The following DNAJB5 variants were observed in gnomAD, a reference collection of about 807,000 sequenced individuals.
DNAJB5 encodes the protein dnaJ homolog subfamily B member 5.
Under a neutral mutation model 32.6 loss-of-function variants are expected in DNAJB5, and 12 were observed. That is an observed-to-expected ratio of 0.37 (90% CI 0.24 to 0.60). DNAJB5 has a LOEUF of 0.60. Ranked by LOEUF, DNAJB5 falls within the 20% of genes least tolerant of loss-of-function variation. DNAJB5 has a pLI of 0.71. For missense variants in DNAJB5, 358 were observed against 554.2 expected (o/e 0.65, Z 3.55); for synonymous variants, 188 against 212.9 (o/e 0.88, Z 1.02).
chr9:34,993,422 G>A lies in DNAJB5; in HGVS notation c.405G>A (p.Leu135=), dbSNP rs1194229407. 1.9e-6 allele frequency: 3 copies of A among 1,613,072 alleles called. No individual in the cohort carries two copies. The highest frequency in any genetic ancestry group is 8.5e-7 in the Non-Finnish European group (1 of 1,179,816). Residue 135 remains leucine (L), a synonymous_variant, in exon 3 of 5, where the codon CTG becomes CTA. Coordinates refer to ENST00000682809, the MANE Select transcript of DNAJB5 (RefSeq NM_001349723.3). The surrounding 1 kb of genome is among the most constrained non-coding windows in gnomAD (Gnocchi z 4.7). ...DVLSDPKKRG[L]YDQYGEEGLK... ...TAAGTGACCCCAAGAAACGGGGCCT[G>A]TATGACCAGTATGGGGAGGAAGGTA...
At position 34,992,830 on chromosome 9, in the gene DNAJB5, C is replaced by T. The variant is rs1180438951; in HGVS notation, c.183-370C>T. 9 of 1,065,558 alleles carry T rather than the reference C, an allele frequency of 8.4e-6. No individual in the cohort carries two copies. The South Asian group carries it at 1.3e-4, about 15-fold the overall frequency. 66.0% of individuals were successfully genotyped at this position (1,065,558 alleles called of 1,614,324 possible). Reference sequence around the variant, plus strand: ...CAGGTGACCTCACCCGTTACACTGACCTTCGCCAGCTCCTGTGTGTGGGTC... The same window carrying T: ...CAGGTGACCTCACCCGTTACACTGATCTTCGCCAGCTCCTGTGTGTGGGTC... On this transcript the variant is annotated intron_variant, in intron 2 of 4. Transcript: ENST00000682809.
Position 34,997,160 on chromosome 9 carries a change from T to A in DNAJB5, c.1164T>A (p.Thr388=). 6.2e-7 allele frequency: 1 copy of A among 1,614,120 alleles called. No homozygotes were observed. ...GEGLPFPKVP[T]QRGDLIVEFK... is the part of the protein sequence containing the mutation. ...GCCTTCCCTTCCCCAAAGTGCCAAC[T>A]CAGCGAGGAGACCTCATTGTTGAGT... Residue 388 remains threonine (T), a synonymous_variant, in exon 5 of 5, where the codon ACT becomes ACA. Coordinates refer to ENST00000682809, the MANE Select transcript of DNAJB5 (RefSeq NM_001349723.3). The surrounding 1 kb of genome is among the most constrained non-coding windows in gnomAD (Gnocchi z 4.1).
chr9:34,994,105 G>A (rs892404592), intron 3 of DNAJB5, among the ~76,000 whole-genome samples: 2 of 152,144 alleles, frequency 1.3e-5, no homozygotes, highest in East Asian at 1.9e-4. Context: ...CACATCCCAC[G>A]GCCATGATGT....
In DNAJB5 at chr9:34,989,759, C is replaced by CGGCGGA. The variant is rs1827565304; in HGVS notation, c.-203_-198dup. ...AGGCGACTCCTGTCCCGGGTGGAGG[C>CGGCGGA]GGCGGAGCCGGAGCCGGGGGAGGGG... is the stretch of plus-strand genomic sequence containing the variant. On this transcript the variant is annotated 5_prime_UTR_variant, in exon 1 of 5. Transcript: ENST00000682809. 8.1e-7 allele frequency: 1 copy of CGGCGGA among 1,231,168 alleles called. No individual in the cohort carries two copies. The highest frequency in any genetic ancestry group is 1.6e-5 in the African/African-American group (1 of 64,348). The allele number at this position is 1,231,168 out of a possible 1,614,324, so 76.3% of individuals were successfully genotyped here.
At chr9:34,991,676 C>CCCG (rs1554662744) in intron 2 of DNAJB5, 3 of 259,390 alleles carry the variant, frequency 1.2e-5, no homozygotes, top group Non-Finnish European at 2.4e-5. Context: ...TTGCCCCCCC[C>CCCG]CCCAACGAGG....
In DNAJB5 at chr9:34,989,798, C is replaced by A; in HGVS notation, c.-166C>A. 8.1e-7 allele frequency: 1 copy of A among 1,231,754 alleles called. No homozygotes were observed. The highest frequency in any genetic ancestry group is 1.0e-6 in the Non-Finnish European group (1 of 987,852). The allele number at this position is 1,231,754 out of a possible 1,614,324, so 76.3% of individuals were successfully genotyped here. ...CCGGGGGAGGGGGCAGCGGCTGTCT[C>A]ACGGACCACGGCGGCGCCCGCAGCT... On this transcript the variant is annotated 5_prime_UTR_variant, in exon 1 of 5. Coordinates refer to ENST00000682809, the MANE Select transcript of DNAJB5 (RefSeq NM_001349723.3).
In DNAJB5 at chr9:34,989,831, G is replaced by A. The variant is rs1304813926; in HGVS notation, c.-133G>A. 2.4e-6 allele frequency: 3 copies of A among 1,233,924 alleles called. No individual in the cohort carries two copies. Among genetic ancestry groups the A allele is most frequent in the Non-Finnish European group, 3.0e-6 (3 of 989,138 alleles). The allele number at this position is 1,233,924 out of a possible 1,614,324, so 76.4% of individuals were successfully genotyped here. On this transcript the variant is annotated splice_region_variant and 5_prime_UTR_variant, in exon 1 of 5. Transcript: ENST00000682809. ...ACGGCGGCGCCCGCAGCTCCTCACC[G>A]GTGAGGGCGCCAAGCCAGGACTCGG...
chr9:34,993,520 C>A lies in DNAJB5; in HGVS notation c.427+76C>A. 1 of 1,537,934 alleles carries A rather than the reference C, an allele frequency of 6.5e-7. No homozygotes were observed. On this transcript the variant is annotated intron_variant, in intron 3 of 4. Transcript: ENST00000682809. The surrounding 1 kb of genome is among the most constrained non-coding windows in gnomAD (Gnocchi z 4.7). The stretch of plus-strand genomic sequence containing the variant: ...GTCCCAGGTGCACCAGTTTGTGTAG[C>A]GGGGAACTGGAGGCTGTGGAGGGGG...
chr9:34,990,666 A>G lies in DNAJB5; in HGVS notation c.36A>G (p.Pro12=). 6.4e-7 allele frequency: 1 copy of G among 1,551,662 alleles called. No homozygotes were observed. Among genetic ancestry groups the G allele is most frequent in the Non-Finnish European group, 8.7e-7 (1 of 1,146,966 alleles). ...GCACAGTGCTCTCCTGCCCACCCCC[A>G]GCAGCACCCCCACTGCAGGCCCGAG... is the stretch of plus-strand genomic sequence containing the variant. ...FKRTVLSCPP[P]AAPPLQARGA... is the part of the protein sequence containing the mutation. Residue 12 remains proline, a synonymous_variant, in exon 2 of 5, where the codon CCA becomes CCG. Coordinates refer to ENST00000682809, the MANE Select transcript of DNAJB5 (RefSeq NM_001349723.3). The surrounding 1 kb of genome is among the most constrained non-coding windows in gnomAD (Gnocchi z 4.5).
Position 34,996,161 on chromosome 9 carries a change from C to T in DNAJB5, c.428-104C>T, listed in dbSNP as rs987221422. 5 of 1,463,372 alleles carry T rather than the reference C, an allele frequency of 3.4e-6. No homozygotes were observed. Among genetic ancestry groups the T allele is most frequent in the Admixed American group, 2.5e-5 (1 of 40,534 alleles). 90.6% of individuals were successfully genotyped at this position (1,463,372 alleles called of 1,614,324 possible). A position where few individuals can be genotyped will look rare whatever the true frequency, so the allele number is the denominator to read the frequency against. Reference sequence around the variant, plus strand: ...CCCTCTCTGTGGGATTTAAAGGTTGCTTCTTTCTTTAAGCCTGTGAACTGG... The same window carrying T: ...CCCTCTCTGTGGGATTTAAAGGTTGTTTCTTTCTTTAAGCCTGTGAACTGG... On this transcript the variant is annotated intron_variant, in intron 3 of 4. Coordinates refer to ENST00000682809, the MANE Select transcript of DNAJB5 (RefSeq NM_001349723.3). This position sits in a 1 kb window ranked among gnomAD's most constrained non-coding sequence, Gnocchi z 7.2.
intron 2 of DNAJB5, chr9:34,992,314 G>C (rs1483135933): frequency 6.6e-6 from 1 of 152,256 alleles, no homozygotes; most frequent in African/African-American, 2.4e-5. Flanking sequence ...GGGGGCGTAG[G>C]GTGAGGCTAG....
At chr9:34,992,623 G>A (rs1390840394) in intron 2 of DNAJB5, 1 of 187,358 alleles carries the variant, frequency 5.3e-6, no homozygotes, top group Non-Finnish European at 1.0e-5. Flanking sequence ...AGAGGGGTGG[G>A]GGCGGGGAGG....
In DNAJB5 at chr9:34,993,750, G is replaced by A. The variant is rs561824170; in HGVS notation, c.427+306G>A. The stretch of plus-strand genomic sequence containing the variant: ...CTTATTAGTCCTGCCTGAAGTCTCC[G>A]CTGCTTCATTGGCTGATGAGGAAGG... On this transcript the variant is annotated intron_variant, in intron 3 of 4. Coordinates refer to ENST00000682809, the MANE Select transcript of DNAJB5 (RefSeq NM_001349723.3). The surrounding 1 kb of genome is among the most constrained non-coding windows in gnomAD (Gnocchi z 4.7). Among the ~76,000 whole-genome samples, 5 of 152,182 alleles carry A rather than the reference G, an allele frequency of 3.3e-5. No individual in the cohort carries two copies. The highest frequency in any genetic ancestry group is 4.1e-4 in the South Asian group (2 of 4,830).
In DNAJB5 at chr9:34,990,502, C is replaced by G; in HGVS notation, c.-129C>G. 1 of 1,539,020 alleles carries G rather than the reference C, an allele frequency of 6.5e-7. No individual in the cohort carries two copies. Among genetic ancestry groups the G allele is most frequent in the Non-Finnish European group, 8.7e-7 (1 of 1,146,578 alleles). ...ACTCTCCACATTTGGGGATCAGGTC[C>G]GGCACCTGCTGCGCCAGACAGGCCT... On this transcript the variant is annotated 5_prime_UTR_variant, in exon 2 of 5. Coordinates refer to ENST00000682809, the MANE Select transcript of DNAJB5 (RefSeq NM_001349723.3). This position sits in a 1 kb window ranked among gnomAD's most constrained non-coding sequence, Gnocchi z 4.5.
At position 34,997,339 on chromosome 9, in the gene DNAJB5, T is replaced by G; in HGVS notation, c.*80T>G. On this transcript the variant is annotated 3_prime_UTR_variant, in exon 5 of 5. Coordinates refer to ENST00000682809, the MANE Select transcript of DNAJB5 (RefSeq NM_001349723.3). The surrounding 1 kb of genome is among the most constrained non-coding windows in gnomAD (Gnocchi z 4.1). ...CACTCAATGTGCACCCAGCTTGATGTCCACTGGACACTGGCAACTTTTTCT... is the reference window on the plus strand; with the variant it reads ...CACTCAATGTGCACCCAGCTTGATGGCCACTGGACACTGGCAACTTTTTCT... 7.0e-7 allele frequency: 1 copy of G among 1,429,798 alleles called. No individual in the cohort carries two copies. The allele number at this position is 1,429,798 out of a possible 1,614,324, so 88.6% of individuals were successfully genotyped here.
At chr9:34,991,331 A>T (rs1299395842) in intron 2 of DNAJB5, 1 of 456,272 alleles carries the variant, frequency 2.2e-6, no homozygotes, top group African/African-American at 2.0e-5. Context: ...GGAGGAAAGC[A>T]GAAAGAGAAA....
At chr9:34,995,537 G>C (rs1031164136) in intron 3 of DNAJB5, among the ~76,000 whole-genome samples, 3 of 152,154 alleles carry the variant, frequency 2.0e-5, no homozygotes, top group African/African-American at 7.2e-5. Flanking sequence ...TAACTCCAGG[G>C]AGCTCCATTC....
rs978391694 is a variant in DNAJB5, at chr9:34,989,837, G to A, written c.-133+6G>A. The A allele has an allele frequency of 3.0e-5, 37 of 1,234,116 alleles. No individual in the cohort carries two copies. The highest frequency in any genetic ancestry group is 3.5e-5 in the Non-Finnish European group (35 of 989,310). The allele number at this position is 1,234,116 out of a possible 1,614,324, so 76.4% of individuals were successfully genotyped here. A position where few individuals can be genotyped will look rare whatever the true frequency, so the allele number is the denominator to read the frequency against. ...GCGCCCGCAGCTCCTCACCGGTGAGGGCGCCAAGCCAGGACTCGGGGGTCC... is the reference window on the plus strand; with the variant it reads ...GCGCCCGCAGCTCCTCACCGGTGAGAGCGCCAAGCCAGGACTCGGGGGTCC... On this transcript the variant is annotated splice_donor_region_variant and intron_variant, in intron 1 of 4. Coordinates refer to ENST00000682809, the MANE Select transcript of DNAJB5 (RefSeq NM_001349723.3).
intron 1 of DNAJB5, 38 bp downstream of exon 1, chr9:34,989,869 C>T (rs1211970392): frequency 1.6e-6 from 2 of 1,236,938 alleles, no homozygotes; most frequent in Admixed American, 4.1e-5. Context: ...GTCCCGGGAG[C>T]GGGGCGTCGT....
Sources: allele counts gnomAD v4.1 joint callset (sites outside exome capture counted in the v4.1 genomes callset), GRCh38; gene constraint gnomAD v4.1.1; non-coding constraint Gnocchi (gnomAD v3.1); transcripts MANE v1.5; gene names NCBI Gene and HGNC (gene_info 2026-07-23, HGNC 2026-07-21).